KCNJ1: variants seen among roughly 807,000 people sequenced by gnomAD.
KCNJ1 encodes ATP-sensitive inward rectifier potassium channel 1.
Under a neutral mutation model 21.9 loss-of-function variants are expected in KCNJ1, and 24 were observed. The observed-to-expected ratio is 1.10, with a 90% CI of 0.79 to 1.54. KCNJ1 has a LOEUF of 1.54. KCNJ1 is among the 40% of genes most tolerant of loss of function. The probability of loss-of-function intolerance (pLI) is 0.00; values close to 1 mark genes in which losing one functional copy is unlikely to be tolerated. For synonymous variants in KCNJ1, 152 were observed against 160.9 expected (o/e 0.94, Z 0.42); for missense variants, 457 against 455.4 (o/e 1.00, Z -0.03).
At chr11:128,845,825 T>A (rs1222488203) in intron 2 of KCNJ1, among the ~76,000 whole-genome samples, 1 of 152,140 alleles carries the variant, frequency 6.6e-6, no homozygotes, top group Non-Finnish European at 1.5e-5. Context: ...AGGGTGAGCA[T>A]ACTCCTGGGT....
rs1943473076 is a variant in KCNJ1 at position 128,851,192 on chromosome 11, T to C, written c.-191-302A>G. On this transcript the variant is annotated intron_variant, in intron 1 of 2. Coordinates refer to ENST00000392666, the MANE Select transcript of KCNJ1 (RefSeq NM_153766.3). ...CCTGTTCTCATGGTCTGTTTATTCT[T>C]ATTACTATTAAAAAGAACACCACTG... is the stretch of plus-strand genomic sequence containing the variant. 7.2e-5 allele frequency among the ~76,000 whole-genome samples: 11 copies of C among 152,342 alleles called. No individual in the cohort carries two copies. In the South Asian group the frequency reaches 2.3e-3, roughly 32 times the overall value.
At chr11:128,848,802 T>G (rs1943429280) in intron 2 of KCNJ1, among the ~76,000 whole-genome samples, 1 of 152,206 alleles carries the variant, frequency 6.6e-6, no homozygotes, top group Admixed American at 6.5e-5. Context: ...AAAGTGTTGC[T>G]TTATTGGATA....
intron 2 of KCNJ1, among the ~76,000 whole-genome samples, chr11:128,845,579 A>G (rs1404210966): frequency 6.6e-6 from 1 of 152,226 alleles, no homozygotes; most frequent in East Asian, 1.9e-4. Flanking sequence ...AACCTGTAGT[A>G]GACAGAGAGT....
chr11:128,865,440 T>C (rs2256921), intron 1 of KCNJ1, among the ~76,000 whole-genome samples: 3 of 152,068 alleles, frequency 2.0e-5, no homozygotes, highest in African/African-American at 7.2e-5. Context: ...TGAGTTCTAA[T>C]TACAAGCTTG....
At position 128,838,908 on chromosome 11, in the gene KCNJ1, C is replaced by A. The variant is rs537513883; in HGVS notation, c.*217G>T. The A allele has an allele frequency of 5.1e-6, 3 of 584,902 alleles. No homozygotes were observed. The highest frequency in any genetic ancestry group is 1.9e-5 in the African/African-American group (1 of 53,628). 36.2% of individuals were successfully genotyped at this position (584,902 alleles called of 1,614,324 possible). A position where few individuals can be genotyped will look rare whatever the true frequency, so the allele number is the denominator to read the frequency against. On this transcript the variant is annotated 3_prime_UTR_variant, in exon 3 of 3. Coordinates refer to ENST00000392666, the MANE Select transcript of KCNJ1 (RefSeq NM_153766.3). ...AGAGAGCACCTATGTCTTCCATACACCAGTTTCATATAAATGCATTGCACG... is the reference window on the plus strand; with the variant it reads ...AGAGAGCACCTATGTCTTCCATACAACAGTTTCATATAAATGCATTGCACG...
At chr11:128,864,514 C>A (rs1323136321) in intron 1 of KCNJ1, among the ~76,000 whole-genome samples, 2 of 152,092 alleles carry the variant, frequency 1.3e-5, no homozygotes, top group Non-Finnish European at 2.9e-5. Flanking sequence ...ATGATGATTT[C>A]TGAACCACAT....
Position 128,840,078 on chromosome 11 carries a change from G to A in KCNJ1, c.166C>T (p.Leu56Phe). 1 of 1,614,124 alleles carries A rather than the reference G, an allele frequency of 6.2e-7. No individual in the cohort carries two copies. Among genetic ancestry groups the A allele is most frequent in the Non-Finnish European group, 8.5e-7 (1 of 1,180,014 alleles). Reference sequence around the variant, plus strand: ...ATGGTCATTTTGTATCTCCACTTGAGGTCAAGTACCGTTGTCCAGATGTCC... The same window carrying A: ...ATGGTCATTTTGTATCTCCACTTGAAGTCAAGTACCGTTGTCCAGATGTCC... ...FVDIWTTVLD[L>F]KWRYKMTIFI... The change falls in exon 3 of 3, where the codon CTC (leucine) becomes TTC (phenylalanine). Residue 56 changes from leucine to phenylalanine, a missense_variant. By Grantham distance (22) the Leu-to-Phe change is conservative. Coordinates refer to ENST00000392666, the MANE Select transcript of KCNJ1 (RefSeq NM_153766.3).
chr11:128,847,623 T>C (rs17137967), intron 2 of KCNJ1, among the ~76,000 whole-genome samples: 2,286 of 152,340 alleles, frequency 0.015, 63 homozygotes, highest in African/African-American at 0.052. Context: ...CTAAGATAAC[T>C]ATACTCTGAC....
intron 1 of KCNJ1, among the ~76,000 whole-genome samples, chr11:128,864,077 T>C (rs373722435): frequency 1.2e-5 from 1 of 83,492 alleles, no homozygotes; most frequent in African/African-American, 5.8e-5. Flanking sequence ...TTTCTCTCTT[T>C]TTTTTTTTTT....
rs549349450 is a variant in KCNJ1, at chr11:128,849,930, C to A, written c.-22+791G>T. The stretch of plus-strand genomic sequence containing the variant: ...CCAACCCACCACCTGGTGGATAAGG[C>A]AAACCTGCCAGTGACGATGAGCCAG... On this transcript the variant is annotated intron_variant, in intron 2 of 2. Coordinates refer to ENST00000392666, the MANE Select transcript of KCNJ1 (RefSeq NM_153766.3). Among the ~76,000 whole-genome samples, 36 of 152,312 alleles carry A rather than the reference C, an allele frequency of 2.4e-4. No individual in the cohort carries two copies. The South Asian group carries it at 6.6e-3, about 28-fold the overall frequency.
At chr11:128,866,271 G>A (rs888263336) in intron 1 of KCNJ1, among the ~76,000 whole-genome samples, 2 of 152,018 alleles carry the variant, frequency 1.3e-5, no homozygotes, top group African/African-American at 2.4e-5. Context: ...GGAAGGCAGC[G>A]TGCAGCTCGC....
At chr11:128,847,393 C>CT (rs1943399787) in intron 2 of KCNJ1, among the ~76,000 whole-genome samples, 1 of 152,234 alleles carries the variant, frequency 6.6e-6, no homozygotes, top group African/African-American at 2.4e-5. Flanking sequence ...AACAAAACCA[C>CT]TTTACAAGCC....
rs147517435 is a variant in KCNJ1, at chr11:128,855,231, C to A, written c.-191-4341G>T. Reference sequence around the variant, plus strand: ...CATACTGTCTTCCTGATTCACTTTTCTTACCCTCCCACATTTCCAATAATT... The same window carrying A: ...CATACTGTCTTCCTGATTCACTTTTATTACCCTCCCACATTTCCAATAATT... On this transcript the variant is annotated intron_variant, in intron 1 of 2. Transcript: ENST00000392666. Among the ~76,000 whole-genome samples the A allele has an allele frequency of 1.1e-4, 16 of 152,198 alleles. No homozygotes were observed. In the East Asian group the frequency reaches 3.1e-3, roughly 29 times the overall value.
At chr11:128,866,660 A>G in intron 1 of KCNJ1, 1 of 267,308 alleles carries the variant, frequency 3.7e-6, no homozygotes, top group Non-Finnish European at 5.8e-6. Context: ...AAAGTCCTAC[A>G]TCAGAAAATG....
At position 128,850,853 on chromosome 11, in the gene KCNJ1, G is replaced by T; in HGVS notation, c.-154C>A. The stretch of plus-strand genomic sequence containing the variant: ...GAACTTGTCACACTGTCTTTGTCAG[G>T]GCCCAGGATGGGGATGAAGGCACAG... On this transcript the variant is annotated 5_prime_UTR_variant, in exon 2 of 3. Transcript: ENST00000392666. 2.0e-6 allele frequency: 2 copies of T among 985,496 alleles called. No individual in the cohort carries two copies. The highest frequency in any genetic ancestry group is 2.4e-6 in the Non-Finnish European group (2 of 829,982). The allele number at this position is 985,496 out of a possible 1,614,324, so 61.0% of individuals were successfully genotyped here. A position where few individuals can be genotyped will look rare whatever the true frequency, so the allele number is the denominator to read the frequency against.
chr11:128,852,789 G>T (rs1215581661), intron 1 of KCNJ1, among the ~76,000 whole-genome samples: 1 of 152,262 alleles, frequency 6.6e-6, no homozygotes, highest in Non-Finnish European at 1.5e-5. Flanking sequence ...GTCTTGAACT[G>T]CTCTTGACCA....
chr11:128,841,112 A>C (rs1019876326), intron 2 of KCNJ1, among the ~76,000 whole-genome samples: 1 of 152,196 alleles, frequency 6.6e-6, no homozygotes, highest in African/African-American at 2.4e-5. Context: ...TTCTCCATAA[A>C]TCTACAAGCC....
chr11:128,847,347 C>T (rs962106666), intron 2 of KCNJ1, among the ~76,000 whole-genome samples: 1 of 152,164 alleles, frequency 6.6e-6, no homozygotes, highest in Admixed American at 6.5e-5. Context: ...CCACTGAAGA[C>T]CCTAAGAGCA....
chr11:128,867,071 G>C (rs1224454716), intron 1 of KCNJ1, 102 bp downstream of exon 1: 1 of 152,176 alleles, frequency 6.6e-6, no homozygotes, highest in African/African-American at 2.4e-5. Context: ...GGAGTGGACA[G>C]ACAAGTCTGC....
Sources: allele counts gnomAD v4.1 joint callset (sites outside exome capture counted in the v4.1 genomes callset), GRCh38; gene constraint gnomAD v4.1.1; transcripts MANE v1.5; gene names NCBI Gene and HGNC (gene_info 2026-07-23, HGNC 2026-07-21).